The following THSD7B variants were observed in gnomAD, a reference collection of about 807,000 sequenced individuals.
THSD7B encodes thrombospondin type-1 domain-containing protein 7B.
A neutral mutation model predicts 213.6 loss-of-function variants in THSD7B; 138 were observed. That is an observed-to-expected ratio of 0.65 (90% CI 0.56 to 0.74). THSD7B has a LOEUF of 0.74. Ranked by LOEUF, THSD7B falls within the 30% of genes least tolerant of loss-of-function variation. THSD7B has a pLI of 0.00. For missense variants in THSD7B, 1,931 were observed against 1,991.5 expected (o/e 0.97, Z 0.58); for synonymous variants, 742 against 687.0 (o/e 1.08, Z -1.25).
chr2:136,948,323 C>A (rs2105068770), intron 2 of THSD7B, among the ~76,000 whole-genome samples: 1 of 152,230 alleles, frequency 6.6e-6, no homozygotes, highest in East Asian at 1.9e-4. Context: ...AAGGCCCTTA[C>A]AATTTAGAAC....
intron 2 of THSD7B, among the ~76,000 whole-genome samples, chr2:136,983,377 A>ACACACACACACACACACT (rs1342830898): frequency 0.017 from 2,450 of 146,322 alleles, 32 homozygotes; most frequent in Non-Finnish European, 0.025. Context: ...ACACGCACAC[A>ACACACACACACACACACT]CACTCACTCT....
chr2:137,358,201 T>C (rs963959580), intron 12 of THSD7B, among the ~76,000 whole-genome samples: 2 of 152,226 alleles, frequency 1.3e-5, no homozygotes, highest in East Asian at 3.9e-4. Context: ...TTTGGTTTTG[T>C]CTACAAACCA....
chr2:136,874,815 T>C (rs980475492), intron 1 of THSD7B, among the ~76,000 whole-genome samples: 1 of 152,202 alleles, frequency 6.6e-6, no homozygotes, highest in South Asian at 2.1e-4. Context: ...AAGAAGAAGA[T>C]TTGGAAACTC....
chr2:137,513,966 GCTTT>G (rs1223347269), intron 15 of THSD7B, among the ~76,000 whole-genome samples: 1 of 152,154 alleles, frequency 6.6e-6, no homozygotes, highest in East Asian at 1.9e-4. Flanking sequence ...CAACACAGTT[GCTTT>G]CTATCTCTAT....
chr2:136,821,792 T>G (rs1682568408), intron 1 of THSD7B, among the ~76,000 whole-genome samples: 1 of 152,172 alleles, frequency 6.6e-6, no homozygotes, highest in African/African-American at 2.4e-5. Context: ...ATGGGAGCCT[T>G]CACATCATTT....
chr2:136,881,946 A>T (rs1370946622), intron 1 of THSD7B, among the ~76,000 whole-genome samples, 198 bp from the exon 2 acceptor site: 1 of 152,172 alleles, frequency 6.6e-6, no homozygotes, highest in East Asian at 1.9e-4. Flanking sequence ...TCACTACAAA[A>T]AATAATACAA....
chr2:137,400,396 C>A (rs1397819456), intron 12 of THSD7B, among the ~76,000 whole-genome samples: 1 of 151,992 alleles, frequency 6.6e-6, no homozygotes, highest in Non-Finnish European at 1.5e-5. Context: ...TTGGGAGGAG[C>A]ACTTTTTCCT....
chr2:137,078,312 CT>C lies in THSD7B; in HGVS notation c.951-16555del, dbSNP rs143045599. ...TAGGATTGACTTGGCAATGTGGACT[CT>C]TTTTTGTTAAGTTTTTGAATTTTTG... On this transcript the variant is annotated intron_variant, in intron 3 of 27. Coordinates refer to ENST00000409968, the MANE Select transcript of THSD7B (RefSeq NM_001316349.2). Among the ~76,000 whole-genome samples the C allele has an allele frequency of 9.0e-3, 1,368 of 152,206 alleles. 19 individuals are homozygous for C. The highest frequency in any genetic ancestry group is 0.032 in the African/African-American group (1,321 of 41,516).
intron 1 of THSD7B, among the ~76,000 whole-genome samples, chr2:136,849,548 A>T (rs1683063351): frequency 6.6e-6 from 1 of 152,154 alleles, no homozygotes; most frequent in South Asian, 2.1e-4. Flanking sequence ...GAGAGATTTG[A>T]GGGGAACAGG....
chr2:137,268,244 G>A (rs1573922752), intron 10 of THSD7B, among the ~76,000 whole-genome samples: 1 of 152,038 alleles, frequency 6.6e-6, no homozygotes. Context: ...ATGTTGGTTT[G>A]CTGCACCCAT....
At chr2:137,037,434 G>A (rs994879904) in intron 2 of THSD7B, among the ~76,000 whole-genome samples, 4 of 147,824 alleles carry the variant, frequency 2.7e-5, no homozygotes, top group South Asian at 2.2e-4. Context: ...ATACACACAC[G>A]CACATAGAGA....
chr2:136,774,250 A>G (rs1483377501), intron 1 of THSD7B, among the ~76,000 whole-genome samples: 3 of 152,058 alleles, frequency 2.0e-5, no homozygotes, highest in South Asian at 2.1e-4. Flanking sequence ...CATTTAATGC[A>G]TATTTCTCAT....
At chr2:137,037,673 T>C (rs1254717258) in intron 2 of THSD7B, among the ~76,000 whole-genome samples, 1 of 152,186 alleles carries the variant, frequency 6.6e-6, no homozygotes, top group East Asian at 1.9e-4. Flanking sequence ...TTTAAGAAGA[T>C]AAATATGGAT....
intron 2 of THSD7B, among the ~76,000 whole-genome samples, chr2:136,889,902 C>T (rs141557370): frequency 2.0e-5 from 3 of 152,244 alleles, no homozygotes; most frequent in East Asian, 1.9e-4. Context: ...AACTGCTAAA[C>T]GCATCCTCTA....
intron 7 of THSD7B, among the ~76,000 whole-genome samples, chr2:137,194,943 T>C (rs1680728696): frequency 6.6e-6 from 1 of 152,278 alleles, no homozygotes; most frequent in South Asian, 2.1e-4. Context: ...CTGGGTAATA[T>C]ATGATTAATA....
chr2:136,849,944 T>C lies in THSD7B; in HGVS notation c.-35-32200T>C, dbSNP rs371874318. 5.9e-5 allele frequency among the ~76,000 whole-genome samples: 9 copies of C among 152,176 alleles called. No individual in the cohort carries two copies. The East Asian group carries it at 7.7e-4, about 13-fold the overall frequency. ...TTACTTTTACATTGGAAGTCATTTATGTTTTTGCCCTAAAACTGTTCCCTT... is the reference window on the plus strand; with the variant it reads ...TTACTTTTACATTGGAAGTCATTTACGTTTTTGCCCTAAAACTGTTCCCTT... On this transcript the variant is annotated intron_variant, in intron 1 of 27. Coordinates refer to ENST00000409968, the MANE Select transcript of THSD7B (RefSeq NM_001316349.2).
At chr2:137,409,353 T>C (rs920967745) in intron 13 of THSD7B, among the ~76,000 whole-genome samples, 3 of 152,212 alleles carry the variant, frequency 2.0e-5, no homozygotes, top group African/African-American at 7.2e-5. Context: ...TCTTTATGCA[T>C]TTGAAGTGAT....
chr2:137,404,331 A>C (rs549643401), intron 12 of THSD7B, among the ~76,000 whole-genome samples: 1 of 150,726 alleles, frequency 6.6e-6, no homozygotes, highest in East Asian at 1.9e-4. Flanking sequence ...CAGAAAAGAT[A>C]CTTGCACATG....
chr2:137,269,775 C>A (rs982206881), intron 10 of THSD7B, among the ~76,000 whole-genome samples: 5 of 152,120 alleles, frequency 3.3e-5, no homozygotes, highest in Non-Finnish European at 7.4e-5. Flanking sequence ...ATCTTGGTAA[C>A]CCTCTTTTTC....
Sources: gnomAD v4.1 joint callset for allele counts (sites outside exome capture counted in the v4.1 genomes callset) on GRCh38, gnomAD v4.1.1 for gene constraint, MANE v1.5 for transcripts, NCBI Gene and HGNC (gene_info 2026-07-23, HGNC 2026-07-21) for gene names.